ZHX2: variants seen among roughly 807,000 people sequenced by gnomAD.
The protein encoded by ZHX2 is zinc fingers and homeoboxes protein 2.
In ZHX2, 6 loss-of-function variants were observed where a neutral mutation model predicts 21.9. The ratio of observed to expected loss-of-function variants is 0.27; its 90% CI spans 0.15 to 0.54. The LOEUF (loss-of-function observed/expected upper bound fraction) is 0.54, where lower values mean the gene tolerates loss of function less well. ZHX2 is among the 20% of genes least tolerant of loss of function. The pLI is 0.95. For synonymous variants in ZHX2, 434 were observed against 437.1 expected, an observed-to-expected ratio of 0.99 and a Z score of 0.09; for missense variants, 908 against 1,090.7, an observed-to-expected ratio of 0.83 and a Z score of 2.36.
intron 1 of ZHX2, among the ~76,000 whole-genome samples, chr8:122,829,947 C>G: frequency 6.6e-6 from 1 of 152,168 alleles, no homozygotes. Flanking sequence ...GAATGTGCCA[C>G]ATTGAGGGAC....
At chr8:122,909,612 C>G (rs1051317601) in intron 2 of ZHX2, among the ~76,000 whole-genome samples, 1 of 152,108 alleles carries the variant, frequency 6.6e-6, no homozygotes, top group Non-Finnish European at 1.5e-5. Context: ...CTCTCCCCCC[C>G]ACAACCTGTT....
chr8:122,786,585 G>A (rs560887225), intron 1 of ZHX2, among the ~76,000 whole-genome samples: 3 of 152,258 alleles, frequency 2.0e-5, no homozygotes, highest in African/African-American at 4.8e-5. Context: ...ACAAATCACC[G>A]TCATCACTGC....
chr8:122,906,328 C>T (rs925848202), intron 2 of ZHX2, among the ~76,000 whole-genome samples: 1 of 152,122 alleles, frequency 6.6e-6, no homozygotes, highest in African/African-American at 2.4e-5. Flanking sequence ...ACATTTGGTA[C>T]GAATCTATGA....
At chr8:122,823,961 T>C (rs1002837896) in intron 1 of ZHX2, among the ~76,000 whole-genome samples, 5 of 152,256 alleles carry the variant, frequency 3.3e-5, no homozygotes, top group African/African-American at 1.2e-4. Flanking sequence ...CCTAGAACAC[T>C]GTCTAACTTA....
intron 2 of ZHX2, among the ~76,000 whole-genome samples, chr8:122,950,274 G>T (rs1404724707): frequency 6.6e-6 from 1 of 152,148 alleles, no homozygotes; most frequent in East Asian, 1.9e-4. Context: ...TCCTTTGCAG[G>T]GACATGGATG....
intron 1 of ZHX2, among the ~76,000 whole-genome samples, chr8:122,843,136 G>A (rs140471087): frequency 1.2e-4 from 18 of 152,316 alleles, no homozygotes; most frequent in Non-Finnish European, 1.9e-4. Context: ...AGAGACCCTC[G>A]AAATGATTGA....
intron 2 of ZHX2, among the ~76,000 whole-genome samples, chr8:122,908,950 C>T (rs1310720156): frequency 6.6e-6 from 1 of 152,196 alleles, no homozygotes; most frequent in Non-Finnish European, 1.5e-5. Context: ...TTTCAAGTTT[C>T]CCTTGTGATT....
chr8:122,812,565 G>A (rs13262114), intron 1 of ZHX2, among the ~76,000 whole-genome samples: 29,025 of 152,070 alleles, frequency 0.19, 3,046 homozygotes, highest in East Asian at 0.28. Flanking sequence ...CTCCAGAAAT[G>A]AACTTCTTTT....
intron 2 of ZHX2, among the ~76,000 whole-genome samples, chr8:122,921,371 A>G (rs576402848): frequency 1.3e-5 from 2 of 152,256 alleles, no homozygotes; most frequent in South Asian, 4.1e-4. Context: ...GGCATGACCT[A>G]CCGTGCCCGG....
chr8:122,942,761 G>A (rs185275258), intron 2 of ZHX2, among the ~76,000 whole-genome samples: 14 of 152,316 alleles, frequency 9.2e-5, no homozygotes, highest in African/African-American at 3.4e-4. Context: ...CTGGCAGTTT[G>A]ATCCATTTTT....
rs190483346 is a variant in ZHX2, at chr8:122,798,208, G to A, written c.-283+16262G>A. Among the ~76,000 whole-genome samples the A allele has an allele frequency of 2.9e-3, 443 of 152,256 alleles. 1 individual carries two copies. Among genetic ancestry groups the A allele is most frequent in the Non-Finnish European group, 4.4e-3 (296 of 68,004 alleles). The stretch of plus-strand genomic sequence containing the variant: ...GATATTCTGCTACGCCTATGCATTC[G>A]AGGAATATCAGAAGTGTTAGGGATG... On this transcript the variant is annotated intron_variant, in intron 1 of 3. Transcript: ENST00000314393.
chr8:122,909,593 C>T lies in ZHX2; in HGVS notation c.-219-41699C>T, dbSNP rs142996216. On this transcript the variant is annotated intron_variant, in intron 2 of 3. Transcript: ENST00000314393. Reference sequence around the variant, plus strand: ...GCCTTGGGGCTGGACAGATAATCCCCTCCTCCTCCTCTCCCCCCCACAACC... The same window carrying T: ...GCCTTGGGGCTGGACAGATAATCCCTTCCTCCTCCTCTCCCCCCCACAACC... Among the ~76,000 whole-genome samples, 8 of 152,056 alleles carry T rather than the reference C, an allele frequency of 5.3e-5. No individual in the cohort carries two copies. In the East Asian group the frequency reaches 1.4e-3, roughly 26 times the overall value.
At chr8:122,870,648 AAAAAAAAAAAAAAAAAAAG>A (rs997155470) in intron 2 of ZHX2, among the ~76,000 whole-genome samples, 2 of 141,794 alleles carry the variant, frequency 1.4e-5, no homozygotes, top group African/African-American at 5.7e-5. Flanking sequence ...CAAAAAAAAA[AAAAAAAAAAAAAAAAAAAG>A]AAAGAGAAAG....
intron 2 of ZHX2, among the ~76,000 whole-genome samples, chr8:122,871,425 A>C (rs1196967945): frequency 6.6e-6 from 1 of 150,778 alleles, no homozygotes; most frequent in African/African-American, 2.4e-5. Flanking sequence ...AACTATCGCA[A>C]GGACAAAAAA....
chr8:122,918,233 T>G (rs1820650957), intron 2 of ZHX2, among the ~76,000 whole-genome samples: 2 of 152,224 alleles, frequency 1.3e-5, no homozygotes, highest in African/African-American at 4.8e-5. Flanking sequence ...AGAGACTGTG[T>G]CCCGACCGCC....
intron 3 of ZHX2, among the ~76,000 whole-genome samples, chr8:122,968,131 C>A (rs2130370004): frequency 6.6e-6 from 1 of 152,270 alleles, no homozygotes; most frequent in East Asian, 1.9e-4. Context: ...CACATGTAAG[C>A]ACTTTGGGGA....
intron 2 of ZHX2, among the ~76,000 whole-genome samples, chr8:122,906,757 T>A (rs1563776326): frequency 7.0e-6 from 1 of 143,252 alleles, no homozygotes; most frequent in East Asian, 2.3e-4. Flanking sequence ...TGCAACTTCC[T>A]CCTCCAGGGT....
intron 2 of ZHX2, among the ~76,000 whole-genome samples, chr8:122,904,207 A>G (rs1820295432): frequency 6.6e-6 from 1 of 152,162 alleles, no homozygotes; most frequent in Non-Finnish European, 1.5e-5. Flanking sequence ...GTCTCTAGCC[A>G]AAGAATCAGG....
At chr8:122,843,224 T>C (rs1818679016) in intron 1 of ZHX2, among the ~76,000 whole-genome samples, 1 of 152,236 alleles carries the variant, frequency 6.6e-6, no homozygotes, top group South Asian at 2.1e-4. Context: ...AAATCAGTAT[T>C]TCTCATTATT....
Sources: gnomAD v4.1 joint callset for allele counts (sites outside exome capture counted in the v4.1 genomes callset) on GRCh38, gnomAD v4.1.1 for gene constraint, MANE v1.5 for transcripts, NCBI Gene and HGNC (gene_info 2026-07-23, HGNC 2026-07-21) for gene names.